The following STX17 variants were observed in gnomAD, a reference collection of about 807,000 sequenced individuals.
STX17 encodes the protein syntaxin-17.
STX17 carries 29 observed loss-of-function variants against 35.9 expected under a neutral mutation model. The ratio of observed to expected loss-of-function variants is 0.81; its 90% CI spans 0.60 to 1.10. The LOEUF (loss-of-function observed/expected upper bound fraction) is 1.10, where lower values mean the gene tolerates loss of function less well. STX17 is among the 50% of genes least tolerant of loss of function. STX17 has a pLI of 0.00. For synonymous variants in STX17, 92 were observed against 118.3 expected, an observed-to-expected ratio of 0.78 and a Z score of 1.44; for missense variants, 312 against 352.3, an observed-to-expected ratio of 0.89 and a Z score of 0.92.
chr9:99,950,801 T>G (rs1409822696), intron 3 of STX17, among the ~76,000 whole-genome samples: 4 of 151,976 alleles, frequency 2.6e-5, no homozygotes, highest in African/African-American at 9.7e-5. Flanking sequence ...TTTGATTTAT[T>G]GTGAAGAGCA....
intron 3 of STX17, among the ~76,000 whole-genome samples, chr9:99,943,572 G>A (rs1189115191): frequency 2.0e-5 from 3 of 152,210 alleles, no homozygotes; most frequent in Non-Finnish European, 4.4e-5. Flanking sequence ...GCCTCCCAAA[G>A]TGCTGAGATT....
In STX17 at chr9:99,973,226, A is replaced by C. The variant is rs976654366; in HGVS notation, c.*4553A>C. 1.4e-5 allele frequency among the ~76,000 whole-genome samples: 2 copies of C among 145,344 alleles called. No individual in the cohort carries two copies. The highest frequency in any genetic ancestry group is 1.9e-4 in the East Asian group (1 of 5,148). ...TGCAATATTAAATTGAAAAAAAAAA[A>C]CCCATAAAAAGTGTCAAAGGCAAAT... On this transcript the variant is annotated 3_prime_UTR_variant, in exon 8 of 8. Transcript: ENST00000259400.
At chr9:99,910,849 T>C (rs576972086) in intron 1 of STX17, among the ~76,000 whole-genome samples, 2 of 152,306 alleles carry the variant, frequency 1.3e-5, no homozygotes, top group South Asian at 2.1e-4. Context: ...CCCATCACTC[T>C]ACTCTCTACC....
chr9:99,949,784 AG>A, intron 3 of STX17, among the ~76,000 whole-genome samples: 1 of 152,168 alleles, frequency 6.6e-6, no homozygotes, highest in Non-Finnish European at 1.5e-5. Flanking sequence ...TTAATCTTAA[AG>A]GGATTGTTTC....
chr9:99,962,932 A>G (rs1461734866), intron 6 of STX17, among the ~76,000 whole-genome samples: 1 of 152,170 alleles, frequency 6.6e-6, no homozygotes, highest in Non-Finnish European at 1.5e-5. Context: ...CATTATCATC[A>G]CATGGACATG....
At chr9:99,938,758 G>T (rs768084101) in intron 3 of STX17, among the ~76,000 whole-genome samples, 3 of 150,124 alleles carry the variant, frequency 2.0e-5, no homozygotes, top group Admixed American at 1.3e-4. Context: ...CTGCACTCCA[G>T]CCTGGGTGAC....
At chr9:99,942,748 A>G (rs2118440630) in intron 3 of STX17, among the ~76,000 whole-genome samples, 1 of 151,868 alleles carries the variant, frequency 6.6e-6, no homozygotes. Flanking sequence ...TTTTTTTTTC[A>G]TAAGGATACC....
At chr9:99,950,035 T>C (rs1189739624) in intron 3 of STX17, among the ~76,000 whole-genome samples, 2 of 151,854 alleles carry the variant, frequency 1.3e-5, no homozygotes, top group African/African-American at 4.8e-5. Context: ...AAATTATATA[T>C]ATTGACTAGA....
At chr9:99,955,190 T>G (rs1043609422) in intron 4 of STX17, among the ~76,000 whole-genome samples, 4 of 152,094 alleles carry the variant, frequency 2.6e-5, no homozygotes, top group African/African-American at 4.8e-5. Flanking sequence ...CAGAATCTTA[T>G]TACATTTTAA....
chr9:99,945,703 A>AT (rs1448297211), intron 3 of STX17: 7 of 377,652 alleles, frequency 1.9e-5, no homozygotes, highest in Non-Finnish European at 3.1e-5. Flanking sequence ...AATTTATCTA[A>AT]TTTTTTCCTT....
intron 3 of STX17, among the ~76,000 whole-genome samples, chr9:99,941,825 T>G (rs1829369471): frequency 6.6e-6 from 1 of 152,218 alleles, no homozygotes; most frequent in African/African-American, 2.4e-5. Context: ...ATAACAATAG[T>G]TCATCCATTT....
At chr9:99,922,565 A>G (rs777616964) in intron 2 of STX17, among the ~76,000 whole-genome samples, 103 of 152,358 alleles carry the variant, frequency 6.8e-4, no homozygotes, top group Non-Finnish European at 1.3e-3. Context: ...ATCTCTGTCA[A>G]GTCATCCTCT....
At chr9:99,920,847 A>C (rs1482673553) in intron 2 of STX17, among the ~76,000 whole-genome samples, 1 of 152,212 alleles carries the variant, frequency 6.6e-6, no homozygotes, top group Non-Finnish European at 1.5e-5. Context: ...TTATAAAATC[A>C]TGTAAACAGT....
intron 3 of STX17, among the ~76,000 whole-genome samples, chr9:99,944,101 A>AT (rs1346399218): frequency 1.3e-5 from 2 of 151,908 alleles, no homozygotes; most frequent in Admixed American, 1.3e-4. Context: ...ATTGGCATAC[A>AT]TTTTTTCAGA....
chr9:99,920,865 T>C (rs1206668993), intron 2 of STX17, among the ~76,000 whole-genome samples: 1 of 152,230 alleles, frequency 6.6e-6, no homozygotes, highest in African/African-American at 2.4e-5. Flanking sequence ...AGTAGGAATC[T>C]GAATTATTCC....
intron 3 of STX17, among the ~76,000 whole-genome samples, chr9:99,941,535 A>G (rs1829362388): frequency 6.6e-6 from 1 of 152,198 alleles, no homozygotes; most frequent in Non-Finnish European, 1.5e-5. Flanking sequence ...ATAAATTATT[A>G]TACTGTGAAC....
At chr9:99,909,087 A>T (rs781119539) in intron 1 of STX17, among the ~76,000 whole-genome samples, 12 of 152,206 alleles carry the variant, frequency 7.9e-5, no homozygotes, top group Non-Finnish European at 1.6e-4. Context: ...AGGATTTCTG[A>T]CCTATGTTCC....
At chr9:99,960,631 A>G (rs148705666) in intron 6 of STX17, among the ~76,000 whole-genome samples, 6,253 of 151,994 alleles carry the variant, frequency 0.041, 177 homozygotes, top group Middle Eastern at 0.065. Context: ...TTTAGTGAAG[A>G]CGGGGTTTCA....
intron 6 of STX17, among the ~76,000 whole-genome samples, chr9:99,966,081 C>A (rs1829905822): frequency 1.3e-5 from 2 of 152,270 alleles, no homozygotes; most frequent in East Asian, 1.9e-4. Flanking sequence ...TGTGGACTGG[C>A]AGCATCAGCA....
Sources: gnomAD v4.1 joint callset for allele counts (sites outside exome capture counted in the v4.1 genomes callset) on GRCh38, gnomAD v4.1.1 for gene constraint, MANE v1.5 for transcripts, NCBI Gene and HGNC (gene_info 2026-07-23, HGNC 2026-07-21) for gene names.